Variants in SLC8B1 observed in about 807,000 individuals in gnomAD.
The protein encoded by SLC8B1 is mitochondrial sodium/calcium exchanger protein.
Under a neutral mutation model 63.4 loss-of-function variants are expected in SLC8B1, and 52 were observed. That is an observed-to-expected ratio of 0.82 (90% CI 0.66 to 1.03). The LOEUF is 1.03. Ranked by LOEUF, SLC8B1 falls within the 50% of genes least tolerant of loss-of-function variation. The pLI is 0.00. For missense variants in SLC8B1, 657 were observed against 741.7 expected (o/e 0.89, Z 1.33); for synonymous variants, 336 against 323.9 (o/e 1.04, Z -0.40).
intron 2 of SLC8B1, among the ~76,000 whole-genome samples, chr12:113,329,414 G>A (rs59331454): frequency 0.11 from 17,368 of 152,130 alleles, 1,087 homozygotes; most frequent in African/African-American, 0.17. Context: ...CCCTGTCCTC[G>A]GGGTCAGCTA....
rs142549338 is a variant in SLC8B1 at position 113,302,381 on chromosome 12, G to A, written c.1557+1940C>T. On this transcript the variant is annotated intron_variant, in intron 15 of 15. Coordinates refer to ENST00000680972, the MANE Select transcript of SLC8B1 (RefSeq NM_001358345.2). ...CTGGAGCTTGGAGGTGGCACTGCCC[G>A]GCTGATGCCCTGATTGCAGGCTTTT... 3.5e-3 allele frequency: 966 copies of A among 273,936 alleles called. 9 individuals are homozygous for A. Among genetic ancestry groups the A allele is most frequent in the African/African-American group, 0.019 (864 of 44,814 alleles). 17.0% of individuals were successfully genotyped at this position (273,936 alleles called of 1,614,324 possible).
intron 7 of SLC8B1, 129 bp from the exon 8 acceptor site, chr12:113,319,200 G>C (rs901304306): frequency 1.5e-6 from 1 of 679,076 alleles, no homozygotes; most frequent in Non-Finnish European, 2.7e-6. Context: ...GTACCAGTGG[G>C]TAAATGGCCT....
At chr12:113,318,894 G>C in intron 8 of SLC8B1, 70 bp downstream of exon 8, 1 of 1,216,960 alleles carries the variant, frequency 8.2e-7, no homozygotes, top group South Asian at 1.2e-5. Context: ...GGAGACCCTG[G>C]GCAGCACTGA....
At chr12:113,322,740 A>T (rs1956947598) in intron 2 of SLC8B1, among the ~76,000 whole-genome samples, 1 of 152,082 alleles carries the variant, frequency 6.6e-6, no homozygotes, top group South Asian at 2.1e-4. Context: ...TGACCTCAGG[A>T]GTTCGAGACC....
rs1031251844 is a variant in SLC8B1 at position 113,307,142 on chromosome 12, A to C, written c.1411+549T>G. ...AAAAAAAAAAAAAAAAAAAAAAAAA[A>C]AAAAAAAAACTACGGCTACCAATTT... On this transcript the variant is annotated intron_variant, in intron 13 of 15. Coordinates refer to ENST00000680972, the MANE Select transcript of SLC8B1 (RefSeq NM_001358345.2). Among the ~76,000 whole-genome samples, 14 of 148,354 alleles carry C rather than the reference A, an allele frequency of 9.4e-5. No homozygotes were observed. The South Asian group carries it at 1.1e-3, about 11-fold the overall frequency.
At chr12:113,311,611 A>T (rs1956761779) in intron 11 of SLC8B1, among the ~76,000 whole-genome samples, 1 of 151,652 alleles carries the variant, frequency 6.6e-6, no homozygotes, top group South Asian at 2.1e-4. Context: ...ACAGAGTGAG[A>T]TCTTGTCTCA....
At chr12:113,322,847 G>A (rs1956949437) in intron 2 of SLC8B1, among the ~76,000 whole-genome samples, 1 of 152,214 alleles carries the variant, frequency 6.6e-6, no homozygotes, top group South Asian at 2.1e-4. Flanking sequence ...CTACTCAGGA[G>A]GAGGAGGTGG....
In SLC8B1 at chr12:113,315,371, G is replaced by C. The variant is rs763829480; in HGVS notation, c.1099C>G (p.Pro367Ala). ...PLNCLHLVIS[P>A]LVVVLTLQSG... ...TGCAGGGTCAGGACCACAACCAGGGGGCTGATAACCAGATGCAGACAGTTG... is the reference window on the plus strand; with the variant it reads ...TGCAGGGTCAGGACCACAACCAGGGCGCTGATAACCAGATGCAGACAGTTG... The change falls in exon 11 of 16, where the codon CCC (proline) becomes GCC (alanine). Residue 367 changes from proline (P) to alanine (A), a missense_variant. Physicochemically the swap from Pro to Ala is conservative, Grantham distance 27. Transcript: ENST00000680972. 2.6e-6 allele frequency: 4 copies of C among 1,558,364 alleles called. No individual in the cohort carries two copies. Among genetic ancestry groups the C allele is most frequent in the Non-Finnish European group, 3.5e-6 (4 of 1,150,552 alleles).
rs1422725027 is a variant in SLC8B1, at chr12:113,332,856, A to T, written c.23T>A (p.Leu8Gln). The change falls in exon 2 of 16, where the codon CTG (leucine) becomes CAG (glutamine). Residue 8 changes from leucine (L) to glutamine (Q), a missense_variant. By Grantham distance (113) the Leu-to-Gln change is moderately radical. Coordinates refer to ENST00000680972, the MANE Select transcript of SLC8B1 (RefSeq NM_001358345.2). Reference sequence around the variant, plus strand: ...ACAAAGCACACTCAGTGCCCAGCGCAGATTCAGCCTTCTGCCGGCCATCTG... The same window carrying T: ...ACAAAGCACACTCAGTGCCCAGCGCTGATTCAGCCTTCTGCCGGCCATCTG... MAGRRLNLRWALSVLCVL... is the reference protein window; with the variant it reads MAGRRLNQRWALSVLCVL... 6.2e-7 allele frequency: 1 copy of T among 1,613,998 alleles called. No individual in the cohort carries two copies. The highest frequency in any genetic ancestry group is 8.5e-7 in the Non-Finnish European group (1 of 1,180,006).
chr12:113,321,117 G>A lies in SLC8B1; in HGVS notation c.310-9C>T, dbSNP rs1956921108. The A allele has an allele frequency of 1.2e-6, 2 of 1,613,924 alleles. No individual in the cohort carries two copies. Among genetic ancestry groups the A allele is most frequent in the African/African-American group, 1.3e-5 (1 of 74,914 alleles). On this transcript the variant is annotated splice_polypyrimidine_tract_variant and intron_variant, in intron 3 of 15. Coordinates refer to ENST00000680972, the MANE Select transcript of SLC8B1 (RefSeq NM_001358345.2). ...TAGAGCAGCCAGGAAACCTGGGTGGGGAGCGGGCGAGGAAGGGAGAGTCAA... is the reference window on the plus strand; with the variant it reads ...TAGAGCAGCCAGGAAACCTGGGTGGAGAGCGGGCGAGGAAGGGAGAGTCAA...
At chr12:113,326,683 C>CTCTT (rs1555276694) in intron 2 of SLC8B1, among the ~76,000 whole-genome samples, 1 of 144,790 alleles carries the variant, frequency 6.9e-6, no homozygotes, top group African/African-American at 2.5e-5. Flanking sequence ...CTTTCTCTCT[C>CTCTT]TTTTTTTTTT....
intron 4 of SLC8B1, 28 bp downstream of exon 4, chr12:113,321,028 C>G: frequency 6.2e-7 from 1 of 1,605,460 alleles, no homozygotes; most frequent in Non-Finnish European, 8.5e-7. Flanking sequence ...CATTGATAAG[C>G]CAGACCGGAG....
chr12:113,307,560 G>A, intron 13 of SLC8B1, 131 bp downstream of exon 13: 1 of 1,124,922 alleles, frequency 8.9e-7, no homozygotes, highest in South Asian at 1.7e-5. Flanking sequence ...CACAGTGACA[G>A]GGGACACTGC....
chr12:113,318,840 A>G (rs1956880540), intron 8 of SLC8B1, 124 bp downstream of exon 8: 1 of 694,186 alleles, frequency 1.4e-6, no homozygotes, highest in Non-Finnish European at 2.5e-6. Flanking sequence ...AATGAGTAGA[A>G]AGAGCATGAA....
rs183320667 is a variant in SLC8B1 at position 113,315,770 on chromosome 12, C to T, written c.994-294G>A. On this transcript the variant is annotated intron_variant, in intron 10 of 15. Transcript: ENST00000680972. The stretch of plus-strand genomic sequence containing the variant: ...CTCTAGGGGAGACTGAGGGTCCTTC[C>T]AGCTTCCAGGAGCCACCTGCCTTCC... Among the ~76,000 whole-genome samples, 110 of 152,336 alleles carry T rather than the reference C, an allele frequency of 7.2e-4. 1 individual carries two copies. The highest frequency in any genetic ancestry group is 1.3e-3 in the Non-Finnish European group (86 of 68,030).
intron 15 of SLC8B1, among the ~76,000 whole-genome samples, chr12:113,303,616 G>A (rs1956629945): frequency 6.6e-6 from 1 of 152,150 alleles, no homozygotes; most frequent in African/African-American, 2.4e-5. Flanking sequence ...TATGCACAGG[G>A]TTTTGTTTGC....
intron 2 of SLC8B1, among the ~76,000 whole-genome samples, chr12:113,325,703 T>C (rs1482886869): frequency 6.6e-6 from 1 of 152,112 alleles, no homozygotes; most frequent in East Asian, 1.9e-4. Context: ...TAGCTGGGAC[T>C]ACAGGCGCTC....
intron 8 of SLC8B1, among the ~76,000 whole-genome samples, chr12:113,317,997 G>A (rs1956859009): frequency 6.6e-6 from 1 of 152,100 alleles, no homozygotes; most frequent in Non-Finnish European, 1.5e-5. Context: ...GTGTGAGCAT[G>A]TATTTATGTG....
At chr12:113,309,621 T>G (rs956110699) in intron 12 of SLC8B1, among the ~76,000 whole-genome samples, 2 of 152,170 alleles carry the variant, frequency 1.3e-5, no homozygotes, top group Non-Finnish European at 2.9e-5. Flanking sequence ...CTGGGCGTGG[T>G]GGCTTGCGCC....
Sources: gnomAD v4.1 joint callset for allele counts (sites outside exome capture counted in the v4.1 genomes callset) on GRCh38, gnomAD v4.1.1 for gene constraint, MANE v1.5 for transcripts, NCBI Gene and HGNC (gene_info 2026-07-23, HGNC 2026-07-21) for gene names.